THBS2: variants seen among roughly 807,000 people sequenced by gnomAD.
The protein encoded by THBS2 is thrombospondin 2.
Under a neutral mutation model 135.2 loss-of-function variants are expected in THBS2, and 47 were observed. That is an observed-to-expected ratio of 0.35 (90% confidence interval 0.28 to 0.44). The LOEUF (loss-of-function observed/expected upper bound fraction) is 0.44. Ranked by LOEUF, THBS2 falls within the 20% of genes least tolerant of loss-of-function variation. The pLI, the probability that THBS2 is intolerant of heterozygous loss-of-function variation, is 1.00. For synonymous variants in THBS2, 639 were observed against 633.8 expected (o/e 1.01, Z -0.12); for missense variants, 1,288 against 1,603.1 (o/e 0.80, Z 3.36).
At chr6:169,244,169 T>C in intron 4 of THBS2, among the ~76,000 whole-genome samples, 1 of 144,926 alleles carries the variant, frequency 6.9e-6, no homozygotes, top group South Asian at 2.2e-4. Context: ...TCTGTGTTTT[T>C]TTTTTTTTTT....
chr6:169,243,877 C>T (rs1057223096), intron 4 of THBS2, among the ~76,000 whole-genome samples: 4 of 152,212 alleles, frequency 2.6e-5, no homozygotes, highest in Non-Finnish European at 5.9e-5. Context: ...AGCCTCTTCA[C>T]AAGGTTACTC....
chr6:169,234,949 G>A (rs566811645), intron 9 of THBS2, 42 bp from the exon 10 acceptor site: 35 of 1,568,804 alleles, frequency 2.2e-5, no homozygotes, highest in African/African-American at 1.2e-4. Flanking sequence ...AGCAAGACCC[G>A]GGGTGGAGAA....
At chr6:169,230,687 A>G (rs980731612) in intron 13 of THBS2, among the ~76,000 whole-genome samples, 3 of 152,196 alleles carry the variant, frequency 2.0e-5, no homozygotes, top group Admixed American at 1.3e-4. Flanking sequence ...AAATTCCACA[A>G]TGATGGAAAG....
At position 169,222,297 on chromosome 6, in the gene THBS2, T is replaced by C; in HGVS notation, c.3173A>G (p.Tyr1058Cys). 7 of 1,613,472 alleles carry C rather than the reference T, an allele frequency of 4.3e-6. No homozygotes were observed. The highest frequency in any genetic ancestry group is 4.2e-6 in the Non-Finnish European group (5 of 1,180,028). Residue 1058 changes from tyrosine (Y) to cysteine (C), a missense_variant, in exon 19 of 22, where the codon TAT (tyrosine) becomes TGT (cysteine). By Grantham distance (194) the Tyr-to-Cys change is radical. Coordinates refer to ENST00000617924, the MANE Select transcript of THBS2 (RefSeq NM_003247.5). ...TYWEDQPTRA[Y>C]GYSGVSLKVV... ...CTTGAGGGACACGCCGGAGTAGCCATAGGCCCGCGTGGGCTGGTCCTCCCA... is the reference window on the plus strand; with the variant it reads ...CTTGAGGGACACGCCGGAGTAGCCACAGGCCCGCGTGGGCTGGTCCTCCCA...
chr6:169,234,068 CCAT>C (rs1779947236), intron 10 of THBS2, among the ~76,000 whole-genome samples: 1 of 151,050 alleles, frequency 6.6e-6, no homozygotes, highest in South Asian at 2.1e-4. Flanking sequence ...TGCCCATGCA[CCAT>C]GTTCCACACC....
In THBS2 at chr6:169,223,461, C is replaced by T. The variant is rs761813484; in HGVS notation, c.2788G>A (p.Asp930Asn). 1.9e-6 allele frequency: 3 copies of T among 1,614,004 alleles called. No homozygotes were observed. The highest frequency in any genetic ancestry group is 2.2e-5 in the South Asian group (2 of 91,070). The stretch of plus-strand genomic sequence containing the variant: ...TTGTCAAAATCATCTTTACAAATAT[C>T]ACCCCGTCCATCACCTATGCACAAA... The part of the protein sequence containing the change: ...QEDLDGDGRG[D>N]ICKDDFDNDN... The change falls in exon 18 of 22, where the codon GAT becomes AAT. Residue 930 changes from aspartate to asparagine, a missense_variant. Transcript: ENST00000617924.
rs750858421 is a variant in THBS2, at chr6:169,234,853, G to A, written c.1532C>T (p.Ala511Val). ...SPWSACTVTC[A>V]GGIRERTRVC... The stretch of plus-strand genomic sequence containing the variant: ...CCGGGTGCGCTCCCGGATCCCACCG[G>A]CACAGGTGACAGTGCAGGCCGACCA... Residue 511 changes from alanine (A) to valine (V), a missense_variant, in exon 10 of 22, where the codon GCC becomes GTC. Ala to Val is a moderately conservative substitution (Grantham distance 64, BLOSUM62 0). Around this residue, in one of 2 missense-constraint regions of THBS2, gnomAD observed 874 missense variants for 1,156.1 expected, o/e 0.76. Transcript: ENST00000617924. The A allele has an allele frequency of 1.2e-6, 2 of 1,613,016 alleles. No individual in the cohort carries two copies. Among genetic ancestry groups the A allele is most frequent in the Admixed American group, 1.7e-5 (1 of 59,972 alleles).
Position 169,250,780 on chromosome 6 carries a change from A to G in THBS2, c.5T>C (p.Val2Ala), listed in dbSNP as rs781525773. 6 of 1,613,370 alleles carry G rather than the reference A, an allele frequency of 3.7e-6. No homozygotes were observed. In the African/African-American group the frequency reaches 8.0e-5, roughly 22 times the overall value. ...CAGAGCCAGCAGGACCAGCCTCCAG[A>G]CCATCCTGCCTCCTGCAGCTGAGCT... MVWRLVLLALWV... is the reference protein window; with the variant it reads MAWRLVLLALWV... Residue 2 changes from valine (V) to alanine (A), a missense_variant, in exon 2 of 22, where the codon GTC (valine) becomes GCC (alanine). This residue lies in a region of THBS2 where 414 missense variants were observed against 447.0 expected (regional missense o/e 0.93). Transcript: ENST00000617924.
chr6:169,226,079 G>A, intron 16 of THBS2, 101 bp downstream of exon 16: 1 of 1,334,760 alleles, frequency 7.5e-7, no homozygotes, highest in Admixed American at 1.8e-5. Flanking sequence ...GGTCAGGGTT[G>A]TGCACCAGGG....
chr6:169,249,649 G>C (rs1780687249), intron 2 of THBS2, among the ~76,000 whole-genome samples: 1 of 152,218 alleles, frequency 6.6e-6, no homozygotes, highest in African/African-American at 2.4e-5. Context: ...AGAGTGGTCA[G>C]TATCAAGTAC....
In THBS2 at chr6:169,248,936, G is replaced by A; in HGVS notation, c.90C>T (p.Phe30=). The change falls in exon 3 of 22, where the codon TTC becomes TTT. Residue 30 remains phenylalanine (F), a synonymous_variant. Transcript: ENST00000617924. The part of the protein sequence containing the change: ...HQDKDTTFDL[F]SISNINRKTI... ...TCTTGCGGTTGATGTTGCTGATACT[G>A]AAAAGGTCGAAGGTCGTGTCTTTGT... 1 of 1,612,750 alleles carries A rather than the reference G, an allele frequency of 6.2e-7. No individual in the cohort carries two copies. The highest frequency in any genetic ancestry group is 8.5e-7 in the Non-Finnish European group (1 of 1,179,206).
intron 9 of THBS2, among the ~76,000 whole-genome samples, chr6:169,236,142 C>T (rs1195717640): frequency 3.0e-5 from 2 of 66,430 alleles, no homozygotes; most frequent in African/African-American, 9.0e-5. Context: ...ACCATCCACA[C>T]TCACTCCCCA....
intron 4 of THBS2, among the ~76,000 whole-genome samples, chr6:169,242,580 CCAAA>C (rs1780350752): frequency 7.6e-6 from 1 of 131,458 alleles, no homozygotes. Flanking sequence ...CCACCTTCCC[CCAAA>C]TTCCCACCTT....
rs1047906582 is a variant in THBS2 at position 169,240,693 on chromosome 6, T to C, written c.892-101A>G. ...CAAAGTTCCTCCTTCATTAAAAAGC[T>C]CTAAAGTCAAGTAAGACTTGACTCA... On this transcript the variant is annotated intron_variant, in intron 5 of 21. Coordinates refer to ENST00000617924, the MANE Select transcript of THBS2 (RefSeq NM_003247.5). 3.5e-5 allele frequency: 50 copies of C among 1,441,740 alleles called. No individual in the cohort carries two copies. In the African/African-American group the frequency reaches 6.5e-4, roughly 19 times the overall value. 89.3% of individuals were successfully genotyped at this position (1,441,740 alleles called of 1,614,324 possible). A position where few individuals can be genotyped will look rare whatever the true frequency, so the allele number is the denominator to read the frequency against.
At chr6:169,219,133 TGAATG>T (rs1457397303) in intron 21 of THBS2, among the ~76,000 whole-genome samples, 1 of 147,244 alleles carries the variant, frequency 6.8e-6, no homozygotes, top group Non-Finnish European at 1.5e-5. Flanking sequence ...GTGGATGAGA[TGAATG>T]GATGGATGGG....
At chr6:169,227,688 T>A (rs979468409) in intron 15 of THBS2, among the ~76,000 whole-genome samples, 1 of 152,118 alleles carries the variant, frequency 6.6e-6, no homozygotes, top group African/African-American at 2.4e-5. Context: ...AATAACTGAA[T>A]GAATCATTTA....
Position 169,240,536 on chromosome 6 carries a change from G to A in THBS2, c.948C>T (p.Asn316=), listed in dbSNP as rs765443527. The A allele has an allele frequency of 6.6e-5, 106 of 1,613,918 alleles. No homozygotes were observed. Among genetic ancestry groups the A allele is most frequent in the Non-Finnish European group, 8.6e-5 (102 of 1,180,028 alleles). ...GGCCATCCTGCCAGCAAGCTGACAT[G>A]TTCCTTGTCTTAGGAGGGCCACCAA... ...ELIGGPPKTR[N]MSACWQDGRF... is the part of the protein sequence containing the mutation. The change falls in exon 6 of 22, where the codon AAC becomes AAT. Residue 316 remains asparagine (N), a synonymous_variant. Coordinates refer to ENST00000617924, the MANE Select transcript of THBS2 (RefSeq NM_003247.5).
At chr6:169,231,694 TCA>T (rs1779839296) in intron 13 of THBS2, among the ~76,000 whole-genome samples, 8 of 152,140 alleles carry the variant, frequency 5.3e-5, no homozygotes, top group Admixed American at 5.2e-4. Flanking sequence ...CTCCCTCTGC[TCA>T]GTTTCAGGCG....
intron 7 of THBS2, chr6:169,239,398 C>T (rs913648953): frequency 1.7e-6 from 1 of 588,708 alleles, no homozygotes; most frequent in Non-Finnish European, 3.0e-6. Context: ...CCCGCGTTCC[C>T]AGGGCTTCCA....
Sources: allele counts gnomAD v4.1 joint callset (sites outside exome capture counted in the v4.1 genomes callset), GRCh38; gene constraint gnomAD v4.1.1; regional missense constraint gnomAD v4.1.1; transcripts MANE v1.5; gene names NCBI Gene and HGNC (gene_info 2026-07-23, HGNC 2026-07-21).